CTNNA2: variants seen among roughly 807,000 people sequenced by gnomAD.
CTNNA2 encodes catenin alpha 2, also known as catenin alpha-2.
A neutral mutation model predicts 101.0 loss-of-function variants in CTNNA2; 42 were observed. The observed-to-expected ratio is 0.42, with a 90% CI of 0.32 to 0.54. The LOEUF (loss-of-function observed/expected upper bound fraction) is 0.54. CTNNA2 is among the 20% of genes least tolerant of loss of function. The probability of loss-of-function intolerance (pLI) is 0.14; values close to 1 mark genes in which losing one functional copy is unlikely to be tolerated. For synonymous variants in CTNNA2, 450 were observed against 456.4 expected (o/e 0.99, Z 0.18); for missense variants, 871 against 1,223.1 (o/e 0.71, Z 4.29).
intron 7 of CTNNA2, among the ~76,000 whole-genome samples, chr2:80,146,337 GATTGTT>G (rs1454022747): frequency 6.6e-6 from 1 of 152,100 alleles, no homozygotes; most frequent in African/African-American, 2.4e-5. Context: ...TTGTTTCTTG[GATTGTT>G]ACTCATCAAT....
At chr2:79,615,029 G>T (rs1004401694) in intron 1 of CTNNA2, among the ~76,000 whole-genome samples, 1 of 152,138 alleles carries the variant, frequency 6.6e-6, no homozygotes, top group Non-Finnish European at 1.5e-5. Context: ...GTGTGTGGTT[G>T]ACGAGAGAGC....
chr2:80,247,760 CT>C (rs1408385274), intron 7 of CTNNA2, among the ~76,000 whole-genome samples: 2 of 152,104 alleles, frequency 1.3e-5, no homozygotes, highest in Non-Finnish European at 2.9e-5. Context: ...GTACAAAACA[CT>C]CACCCATAAG....
intron 7 of CTNNA2, among the ~76,000 whole-genome samples, chr2:79,912,289 A>G (rs1685854975): frequency 6.6e-6 from 1 of 152,240 alleles, no homozygotes; most frequent in Admixed American, 6.5e-5. Flanking sequence ...GCCAAATTGT[A>G]TGACACAGAG....
At chr2:79,899,807 TC>T (rs1021032460) in intron 6 of CTNNA2, among the ~76,000 whole-genome samples, 14 of 152,340 alleles carry the variant, frequency 9.2e-5, no homozygotes, top group Admixed American at 9.1e-4. Context: ...TTAGAATTTT[TC>T]TGTAGCTTAA....
chr2:79,405,152 A>C (rs1678327886), intron 4 of CTNNA2, among the ~76,000 whole-genome samples: 1 of 152,000 alleles, frequency 6.6e-6, no homozygotes, highest in Admixed American at 6.6e-5. Flanking sequence ...GCCCTTTAAA[A>C]AAGAATCTAG....
chr2:79,276,335 A>G (rs995868614), intron 2 of CTNNA2, among the ~76,000 whole-genome samples: 4 of 152,084 alleles, frequency 2.6e-5, no homozygotes, highest in Non-Finnish European at 5.9e-5. Context: ...GTGCTAAAAT[A>G]TCCTCCTAAT....
At chr2:80,555,548 T>A (rs1692957168) in intron 11 of CTNNA2, 145 bp from the exon 12 acceptor site, 2 of 438,332 alleles carry the variant, frequency 4.6e-6, no homozygotes, top group Non-Finnish European at 7.9e-6. Context: ...AATTATAAAC[T>A]ATGTCCTTTA....
At chr2:79,639,693 A>G (rs1487303725) in intron 1 of CTNNA2, among the ~76,000 whole-genome samples, 1 of 152,130 alleles carries the variant, frequency 6.6e-6, no homozygotes, top group Non-Finnish European at 1.5e-5. Context: ...GCCTTGTTGA[A>G]TGGGATTCAA....
chr2:79,321,769 C>T (rs928235966), intron 3 of CTNNA2, among the ~76,000 whole-genome samples: 1 of 151,700 alleles, frequency 6.6e-6, no homozygotes, highest in African/African-American at 2.4e-5. Flanking sequence ...TCAACCTCAC[C>T]TAGTTCCTGC....
chr2:80,008,459 T>C (rs1693533037), intron 7 of CTNNA2, among the ~76,000 whole-genome samples: 1 of 152,192 alleles, frequency 6.6e-6, no homozygotes, highest in Non-Finnish European at 1.5e-5. Flanking sequence ...TTGGTAGATA[T>C]CTACTGAAGC....
At chr2:79,395,403 C>CA (rs1342557311) in intron 4 of CTNNA2, among the ~76,000 whole-genome samples, 1 of 151,942 alleles carries the variant, frequency 6.6e-6, no homozygotes, top group Non-Finnish European at 1.5e-5. Flanking sequence ...CCCCCCAACC[C>CA]ACAACAGTCC....
At chr2:79,917,131 G>T (rs1265435759) in intron 7 of CTNNA2, among the ~76,000 whole-genome samples, 2 of 151,684 alleles carry the variant, frequency 1.3e-5, no homozygotes, top group East Asian at 3.9e-4. Context: ...TAGTGGAGTG[G>T]TGCGATCTCG....
intron 7 of CTNNA2, among the ~76,000 whole-genome samples, chr2:80,376,733 C>T (rs1328003858): frequency 6.6e-6 from 1 of 152,134 alleles, no homozygotes; most frequent in East Asian, 1.9e-4. Flanking sequence ...TCGAGGACTC[C>T]CCATCAGTGT....
chr2:79,783,692 CTA>C (rs1254458506), intron 3 of CTNNA2, among the ~76,000 whole-genome samples: 1 of 152,156 alleles, frequency 6.6e-6, no homozygotes, highest in Non-Finnish European at 1.5e-5. Flanking sequence ...CCTCCCTCTA[CTA>C]TGTTTCTCCA....
intron 7 of CTNNA2, among the ~76,000 whole-genome samples, chr2:80,372,397 C>CT (rs1675524585): frequency 6.9e-6 from 1 of 143,986 alleles, no homozygotes; most frequent in Admixed American, 6.9e-5. Context: ...CTGTTGGCTA[C>CT]TTTAGCCCTC....
At chr2:79,704,756 A>G (rs922891744) in intron 2 of CTNNA2, among the ~76,000 whole-genome samples, 1 of 151,064 alleles carries the variant, frequency 6.6e-6, no homozygotes, top group Non-Finnish European at 1.5e-5. Context: ...CTCGTCATCC[A>G]CCCGCCTCGG....
At chr2:79,681,035 G>A (rs958158365) in intron 2 of CTNNA2, among the ~76,000 whole-genome samples, 1 of 145,748 alleles carries the variant, frequency 6.9e-6, no homozygotes, top group African/African-American at 2.8e-5. Context: ...CACACCTGTG[G>A]TCCTAGCTAC....
chr2:80,352,606 T>C (rs927118830), intron 7 of CTNNA2, among the ~76,000 whole-genome samples: 1 of 152,166 alleles, frequency 6.6e-6, no homozygotes, highest in Non-Finnish European at 1.5e-5. Flanking sequence ...ACTTTGCTTC[T>C]AAGAATTGTA....
intron 3 of CTNNA2, among the ~76,000 whole-genome samples, chr2:79,330,276 C>T (rs545551859): frequency 6.6e-6 from 1 of 152,254 alleles, no homozygotes; most frequent in South Asian, 2.1e-4. Context: ...CATACAATGT[C>T]AGCAGAACTA....
Sources: gnomAD v4.1 joint callset for allele counts (sites outside exome capture counted in the v4.1 genomes callset) on GRCh38, gnomAD v4.1.1 for gene constraint, MANE v1.5 for transcripts, NCBI Gene and HGNC (gene_info 2026-07-23, HGNC 2026-07-21) for gene names.